The following UTP18 variants were observed in gnomAD, a reference collection of about 807,000 sequenced individuals.
UTP18 encodes the protein U3 small nucleolar RNA-associated protein 18 homolog.
UTP18 carries 36 observed loss-of-function variants against 61.1 expected under a neutral mutation model. That is an observed-to-expected ratio of 0.59 (90% CI 0.45 to 0.78). The LOEUF (loss-of-function observed/expected upper bound fraction) is 0.78. UTP18 is among the 30% of genes least tolerant of loss of function. The pLI is 0.00. For synonymous variants in UTP18, 282 were observed against 251.1 expected (o/e 1.12, Z -1.16); for missense variants, 753 against 693.9 (o/e 1.09, Z -0.96).
chr17:51,268,759 G>A (rs1598475512), intron 3 of UTP18, 78 bp from the exon 4 acceptor site: 9 of 1,176,890 alleles, frequency 7.6e-6, no homozygotes, highest in South Asian at 1.3e-5. Context: ...GTGATTCAAC[G>A]TATATGCTTT....
intron 6 of UTP18, among the ~76,000 whole-genome samples, chr17:51,276,435 A>G (rs1021740901): frequency 2.6e-5 from 4 of 152,226 alleles, no homozygotes. Flanking sequence ...AGTGAAGAAT[A>G]TATTAATCAT....
chr17:51,262,058 CACTT>C (rs991652456), intron 1 of UTP18, among the ~76,000 whole-genome samples: 28 of 151,870 alleles, frequency 1.8e-4, no homozygotes, highest in African/African-American at 6.5e-4. Context: ...AGCTCAAACT[CACTT>C]CAAGGGATAT....
At chr17:51,285,766 A>ATG (rs1254488677) in intron 10 of UTP18, among the ~76,000 whole-genome samples, 2 of 152,188 alleles carry the variant, frequency 1.3e-5, no homozygotes, top group Non-Finnish European at 2.9e-5. Context: ...TTTTATAGAG[A>ATG]TGTGTGTATA....
intron 4 of UTP18, among the ~76,000 whole-genome samples, chr17:51,270,362 T>C (rs150282170): frequency 6.4e-4 from 97 of 152,348 alleles, no homozygotes; most frequent in African/African-American, 2.1e-3. Flanking sequence ...GGTGGCGTAC[T>C]TCTAGACCCT....
intron 10 of UTP18, among the ~76,000 whole-genome samples, chr17:51,286,997 C>T (rs1402427012): frequency 7.6e-6 from 1 of 131,514 alleles, no homozygotes; most frequent in East Asian, 2.5e-4. Flanking sequence ...GACCCACAGG[C>T]CCCGGTATGT....
intron 12 of UTP18, among the ~76,000 whole-genome samples, chr17:51,295,479 T>A (rs1333364882): frequency 4.6e-5 from 7 of 152,248 alleles, no homozygotes; most frequent in African/African-American, 1.7e-4. Flanking sequence ...TTTTTTGTTT[T>A]TGTCAGGTTT....
chr17:51,268,547 G>T (rs993166579), intron 3 of UTP18, among the ~76,000 whole-genome samples: 1 of 152,178 alleles, frequency 6.6e-6, no homozygotes, highest in Non-Finnish European at 1.5e-5. Flanking sequence ...GGGATGTGTT[G>T]ATATGAACAA....
At position 51,284,818 on chromosome 17, in the gene UTP18, T is replaced by C. The variant is rs1396862063; in HGVS notation, c.1205-427T>C. Among the ~76,000 whole-genome samples the C allele has an allele frequency of 2.0e-5, 3 of 152,234 alleles. No homozygotes were observed. The East Asian group carries it at 5.8e-4, about 29-fold the overall frequency. On this transcript the variant is annotated intron_variant, in intron 9 of 13. Transcript: ENST00000225298. ...GCTCACACCTGTAATCCCAGCAGTT[T>C]GGGAGGCCAAGGCAGGTGGATCACC...
At chr17:51,297,416 A>G (rs760083650) in intron 13 of UTP18, among the ~76,000 whole-genome samples, 1 of 152,208 alleles carries the variant, frequency 6.6e-6, no homozygotes, top group Non-Finnish European at 1.5e-5. Flanking sequence ...ACAGAGCTAG[A>G]TAATGGGGCT....
chr17:51,285,467 A>G (rs1271093518), intron 10 of UTP18, 99 bp downstream of exon 10: 5 of 1,403,684 alleles, frequency 3.6e-6, no homozygotes, highest in Non-Finnish European at 4.8e-6. Flanking sequence ...AGTTCTCTTT[A>G]TAAACTATTC....
At position 51,273,442 on chromosome 17, in the gene UTP18, A is replaced by G. The variant is rs2144408697; in HGVS notation, c.703A>G (p.Ile235Val). 2 of 1,608,882 alleles carry G rather than the reference A, an allele frequency of 1.2e-6. No individual in the cohort carries two copies. Among genetic ancestry groups the G allele is most frequent in the East Asian group, 2.2e-5 (1 of 44,572 alleles). Residue 235 changes from isoleucine to valine, a missense_variant, in exon 5 of 14, where the codon ATC (isoleucine) becomes GTC (valine). Coordinates refer to ENST00000225298, the MANE Select transcript of UTP18 (RefSeq NM_016001.3). ...ISTSTSLPRGILKMKNCQHAN... is the reference protein window; with the variant it reads ...ISTSTSLPRGVLKMKNCQHAN... ...CACATCAACTTCTCTTCCAAGAGGA[A>G]TCTTGAAGGTGAGAGTCAGTGAAGT...
In UTP18 at chr17:51,288,118, T is replaced by G; in HGVS notation, c.1418T>G (p.Val473Gly). The G allele has an allele frequency of 6.2e-7, 1 of 1,610,624 alleles. No individual in the cohort carries two copies. The highest frequency in any genetic ancestry group is 8.5e-7 in the Non-Finnish European group (1 of 1,179,158). The change falls in exon 11 of 14, where the codon GTT (valine) becomes GGT (glycine). Residue 473 changes from valine (V) to glycine (G), a missense_variant. Transcript: ENST00000225298. ...PKPIKAIMNL[V>G]TGVTSLTFNP... ...CCAATAAAAGCTATAATGAACTTGG[T>G]TACAGGTGTTACTTCTCTGACCTTC...
Position 51,285,488 on chromosome 17 carries a change from A to G in UTP18, c.1328+120A>G, listed in dbSNP as rs1356478494. ...CTTTATAAACTATTCAGTAATATGA[A>G]ATTGGTCAACCCAGCTGAGCTTTTT... On this transcript the variant is annotated intron_variant, in intron 10 of 13. Transcript: ENST00000225298. The G allele has an allele frequency of 2.4e-6, 3 of 1,271,328 alleles. No homozygotes were observed. In the East Asian group the frequency reaches 7.6e-5, roughly 32 times the overall value. The allele number at this position is 1,271,328 out of a possible 1,614,324, so 78.8% of individuals were successfully genotyped here.
chr17:51,297,054 T>A, intron 13 of UTP18, 51 bp downstream of exon 13: 1 of 1,483,314 alleles, frequency 6.7e-7, no homozygotes, highest in Non-Finnish European at 9.2e-7. Flanking sequence ...ATACACCCAT[T>A]GCTGTCAGTT....
intron 11 of UTP18, among the ~76,000 whole-genome samples, chr17:51,292,918 C>T (rs1023600660): frequency 6.6e-5 from 10 of 152,018 alleles, no homozygotes; most frequent in Non-Finnish European, 1.3e-4. Flanking sequence ...CAGCCCTCTT[C>T]GAGGAGAAAT....
At chr17:51,267,482 A>G (rs940479275) in intron 3 of UTP18, among the ~76,000 whole-genome samples, 1 of 128,464 alleles carries the variant, frequency 7.8e-6, no homozygotes, top group Non-Finnish European at 1.7e-5. Context: ...TTTGGTTCTT[A>G]AACATTTTTA....
rs188511869 is a variant in UTP18, at chr17:51,266,048, A to G, written c.456-134A>G. 24 of 584,048 alleles carry G rather than the reference A, an allele frequency of 4.1e-5. No homozygotes were observed. In the East Asian group the frequency reaches 7.2e-4, roughly 18 times the overall value. 36.2% of individuals were successfully genotyped at this position (584,048 alleles called of 1,614,324 possible). A position where few individuals can be genotyped will look rare whatever the true frequency, so the allele number is the denominator to read the frequency against. Reference sequence around the variant, plus strand: ...CTTTTAGGAAGAACAGAGAAGATGCATTTGAAATGTTCACATCTTAAAAAT... The same window carrying G: ...CTTTTAGGAAGAACAGAGAAGATGCGTTTGAAATGTTCACATCTTAAAAAT... On this transcript the variant is annotated intron_variant, in intron 2 of 13. Transcript: ENST00000225298.
At chr17:51,270,697 T>C (rs1022186760) in intron 4 of UTP18, among the ~76,000 whole-genome samples, 13 of 152,214 alleles carry the variant, frequency 8.5e-5, no homozygotes, top group Non-Finnish European at 1.9e-4. Flanking sequence ...AGGGGATTTT[T>C]ATTGGCCTTT....
At chr17:51,273,862 C>G (rs1904624103) in intron 5 of UTP18, among the ~76,000 whole-genome samples, 1 of 152,096 alleles carries the variant, frequency 6.6e-6, no homozygotes, top group South Asian at 2.1e-4. Flanking sequence ...TCTTATCTGG[C>G]ATATTGCAGT....
Sources: gnomAD v4.1 joint callset for allele counts (sites outside exome capture counted in the v4.1 genomes callset) on GRCh38, gnomAD v4.1.1 for gene constraint, MANE v1.5 for transcripts, NCBI Gene and HGNC (gene_info 2026-07-23, HGNC 2026-07-21) for gene names.